The following TTC39A variants were observed in gnomAD, a reference collection of about 807,000 sequenced individuals.
TTC39A encodes tetratricopeptide repeat protein 39A.
Under a neutral mutation model 82.3 loss-of-function variants are expected in TTC39A, and 46 were observed. That is an observed-to-expected ratio of 0.56 (90% CI 0.44 to 0.71). TTC39A has a LOEUF of 0.71. TTC39A is among the 30% of genes least tolerant of loss of function. The pLI, the probability that TTC39A is intolerant of heterozygous loss-of-function variation, is 0.00. For synonymous variants in TTC39A, 254 were observed against 275.2 expected, an observed-to-expected ratio of 0.92 and a Z score of 0.76; for missense variants, 543 against 712.9, an observed-to-expected ratio of 0.76 and a Z score of 2.71.
upstream of TTC39A, among the ~76,000 whole-genome samples, chr1:51,335,669 A>G (rs894761166): frequency 1.3e-5 from 2 of 152,166 alleles, no homozygotes; most frequent in African/African-American, 4.8e-5. Context: ...CAGATGAGAA[A>G]ATAGAGGCTT....
At chr1:51,313,045 G>A in intron 2 of TTC39A, 102 bp from the exon 3 acceptor site, 1 of 1,474,720 alleles carries the variant, frequency 6.8e-7, no homozygotes. Context: ...GCAGTGAGGT[G>A]AGGGGACCAG....
chr1:51,291,204 G>T lies in TTC39A; in HGVS notation c.1267-579C>A, dbSNP rs187528202. 3.9e-5 allele frequency among the ~76,000 whole-genome samples: 6 copies of T among 151,940 alleles called. No individual in the cohort carries two copies. In the East Asian group the frequency reaches 5.8e-4, roughly 15 times the overall value. ...CTTTTTTTTTAGTTAAAAAAATTTG[G>T]GGGGGGCCAGGCACAGCGGCTCACG... On this transcript the variant is annotated intron_variant, in intron 14 of 17. Coordinates refer to ENST00000680483, the MANE Select transcript of TTC39A (RefSeq NM_001297663.2).
chr1:51,342,653 C>T (rs1471682255), intron 1 of TTC39A, among the ~76,000 whole-genome samples: 1 of 152,124 alleles, frequency 6.6e-6, no homozygotes, highest in Non-Finnish European at 1.5e-5. Flanking sequence ...GAATGGAGAC[C>T]CAGGTTTGAG....
chr1:51,314,574 G>A (rs1645212611), intron 2 of TTC39A, among the ~76,000 whole-genome samples: 1 of 152,184 alleles, frequency 6.6e-6, no homozygotes, highest in South Asian at 2.1e-4. Flanking sequence ...TGATCCTTGA[G>A]GGTCAAAGGA....
chr1:51,311,407 A>C, intron 4 of TTC39A, 86 bp from the exon 5 acceptor site: 1 of 1,273,336 alleles, frequency 7.9e-7, no homozygotes, highest in Non-Finnish European at 1.1e-6. Context: ...AACTTCCCCA[A>C]AAGCAAAGGG....
At position 51,301,633 on chromosome 1, in the gene TTC39A, C is replaced by G; in HGVS notation, c.992G>C (p.Gly331Ala). The change falls in exon 12 of 18, where the codon GGC becomes GCC. Residue 331 changes from glycine (G) to alanine (A), a missense_variant. By Grantham distance (60) the Gly-to-Ala change is moderately conservative (BLOSUM62 0). Transcript: ENST00000680483. The stretch of plus-strand genomic sequence containing the variant: ...GTAGAAGTAGGACATCTTCCACTGG[C>G]CCTTGTAGGTGAAGCACCACATCAG... ...WELMWCFTYK[G>A]QWKMSYFYAD... The G allele has an allele frequency of 3.1e-6, 5 of 1,613,762 alleles. No individual in the cohort carries two copies. The highest frequency in any genetic ancestry group is 4.2e-6 in the Non-Finnish European group (5 of 1,179,760).
intron 16 of TTC39A, among the ~76,000 whole-genome samples, chr1:51,289,785 C>A (rs1233345088): frequency 1.3e-5 from 2 of 152,154 alleles, no homozygotes; most frequent in African/African-American, 4.8e-5. Context: ...TGGATGGACT[C>A]CTGTAGTCAG....
chr1:51,290,615 T>G lies in TTC39A; in HGVS notation c.1277A>C (p.Tyr426Ser). ...SLPVPALEMM[Y>S]IWNGYAVIGK... Reference sequence around the variant, plus strand: ...AATCACGGCGTAGCCGTTCCAGATGTACATCATTTCCTGAAGGCAGGGGGG... The same window carrying G: ...AATCACGGCGTAGCCGTTCCAGATGGACATCATTTCCTGAAGGCAGGGGGG... Residue 426 changes from tyrosine (Y) to serine (S), a missense_variant, in exon 15 of 18, where the codon TAC becomes TCC. Physicochemically the swap from Tyr to Ser is moderately radical, Grantham distance 144. Transcript: ENST00000680483. The G allele has an allele frequency of 6.2e-7, 1 of 1,613,194 alleles. No homozygotes were observed.
intron 2 of TTC39A, 124 bp from the exon 3 acceptor site, chr1:51,313,067 C>CG: frequency 7.5e-7 from 1 of 1,333,306 alleles, no homozygotes; most frequent in Non-Finnish European, 1.0e-6. Flanking sequence ...GGTCCAGGCA[C>CG]GGGGAGGGCC....
intron 1 of TTC39A, among the ~76,000 whole-genome samples, chr1:51,329,282 G>A (rs143920331): frequency 6.6e-6 from 1 of 152,266 alleles, no homozygotes; most frequent in Non-Finnish European, 1.5e-5. Context: ...AGTCAGGGCT[G>A]CACAGAAGGA....
intron 7 of TTC39A, 120 bp from the exon 8 acceptor site, chr1:51,305,266 A>G (rs971331461): frequency 2.8e-5 from 26 of 937,714 alleles, no homozygotes; most frequent in Non-Finnish European, 4.4e-5. Context: ...CCACCCCTCT[A>G]ACTTTGAAAG....
rs375852695 is a variant in TTC39A, at chr1:51,300,867, G to C, written c.1053+705C>G. The C allele has an allele frequency of 1.2e-4, 19 of 152,378 alleles. 1 individual carries two copies. Among genetic ancestry groups the C allele is most frequent in the African/African-American group, 4.6e-4 (19 of 41,574 alleles). The allele number at this position is 152,378 out of a possible 1,614,324, so 9.4% of individuals were successfully genotyped here. Reference sequence around the variant, plus strand: ...CCAGGCATTGGCAGGTGACAAGTCAGACCAGTGAGGCTCAAACTGTGGGAC... The same window carrying C: ...CCAGGCATTGGCAGGTGACAAGTCACACCAGTGAGGCTCAAACTGTGGGAC... On this transcript the variant is annotated intron_variant, in intron 12 of 17. Coordinates refer to ENST00000680483, the MANE Select transcript of TTC39A (RefSeq NM_001297663.2).
intron 6 of TTC39A, among the ~76,000 whole-genome samples, chr1:51,307,714 G>A (rs1278228611): frequency 4.4e-5 from 6 of 135,034 alleles, no homozygotes; most frequent in South Asian, 2.4e-4. Context: ...CAGCCTGGGC[G>A]ACAGAGCAAG....
chr1:51,312,292 C>T, intron 3 of TTC39A, 97 bp from the exon 4 acceptor site: 1 of 1,202,492 alleles, frequency 8.3e-7, no homozygotes, highest in South Asian at 1.4e-5. Context: ...CCTAAAGAGA[C>T]AGAGCTAGCA....
In TTC39A at chr1:51,288,340, C is replaced by T; in HGVS notation, c.1611-60G>A. On this transcript the variant is annotated intron_variant, in intron 17 of 17. Coordinates refer to ENST00000680483, the MANE Select transcript of TTC39A (RefSeq NM_001297663.2). The surrounding 1 kb of genome is among the most constrained non-coding windows in gnomAD (Gnocchi z 4.8). ...GCCTGCTCCCAGAGATGCTTTTCCT[C>T]CTGTTTGAGCTGTATGAGCCCCGCG... is the stretch of plus-strand genomic sequence containing the variant. 5 of 1,609,942 alleles carry T rather than the reference C, an allele frequency of 3.1e-6. No homozygotes were observed. The highest frequency in any genetic ancestry group is 4.2e-6 in the Non-Finnish European group (5 of 1,177,692).
intron 5 of TTC39A, chr1:51,309,532 C>A: frequency 7.9e-7 from 1 of 1,263,692 alleles, no homozygotes. Flanking sequence ...CCCAGGTACA[C>A]ATACTCTGTG....
Position 51,305,987 on chromosome 1 carries a change from GC to G in TTC39A, c.577del (p.Ala193ProfsTer4). On this transcript the variant is annotated frameshift_variant, in exon 7 of 18. Transcript: ENST00000680483. LOFTEE classifies it high-confidence loss of function. Reference protein sequence around the residue: ...FEGGVKLGVGAFNLTLSMLPT... With the variant: ...FEGGVKLGVGXFNLTLSMLPT... The stretch of plus-strand genomic sequence containing the variant: ...AGGAGGAGCACTCACCAGGTTGAAG[GC>G]CCCTACACCAAGCTTCACTCCTCCT... 6.2e-7 allele frequency: 1 copy of G among 1,613,922 alleles called. No homozygotes were observed. The highest frequency in any genetic ancestry group is 8.5e-7 in the Non-Finnish European group (1 of 1,179,840).
At chr1:51,317,625 C>T (rs1357490476) in intron 2 of TTC39A, among the ~76,000 whole-genome samples, 2 of 152,288 alleles carry the variant, frequency 1.3e-5, no homozygotes, top group East Asian at 3.9e-4. Context: ...TGGCGCGCAC[C>T]TGCAATCCCA....
chr1:51,313,788 C>T (rs1403453253), intron 2 of TTC39A, among the ~76,000 whole-genome samples: 1 of 152,196 alleles, frequency 6.6e-6, no homozygotes, highest in Admixed American at 6.5e-5. Context: ...TGTTTGAGCC[C>T]AGGAGTTTGA....
Sources: allele counts gnomAD v4.1 joint callset (sites outside exome capture counted in the v4.1 genomes callset), GRCh38; gene constraint gnomAD v4.1.1; non-coding constraint Gnocchi (gnomAD v3.1); transcripts MANE v1.5; gene names NCBI Gene and HGNC (gene_info 2026-07-23, HGNC 2026-07-21).